KDM6A: variants seen among roughly 807,000 people sequenced by gnomAD.
KDM6A encodes the protein lysine demethylase 6A, also known as lysine-specific demethylase 6A.
Under a neutral mutation model 117.6 loss-of-function variants are expected in KDM6A, and 11 were observed. The ratio of observed to expected loss-of-function variants is 0.09; its 90% CI spans 0.06 to 0.15. The LOEUF (loss-of-function observed/expected upper bound fraction) is 0.15. KDM6A is among the 10% of genes least tolerant of loss of function. KDM6A has a pLI of 1.00. For missense variants in KDM6A, 799 were observed against 1,077.3 expected, an observed-to-expected ratio of 0.74 and a Z score of 3.62; for synonymous variants, 384 against 396.1, an observed-to-expected ratio of 0.97 and a Z score of 0.36.
Position 44,951,639 on chromosome X carries a change from T to C in KDM6A, c.226-9645T>C, listed in dbSNP as rs760659354. 3.6e-5 allele frequency among the ~76,000 whole-genome samples: 4 copies of C among 111,400 alleles called. No individual in the cohort carries two copies. The East Asian group carries it at 1.1e-3, about 31-fold the overall frequency. ...AACTGAGGCTAAGTCTGGGAATGGT[T>C]TGTGAGAGCTGGGAGTTGAAATTTT... On this transcript the variant is annotated intron_variant, in intron 2 of 29. Transcript: ENST00000611820.
chrX:45,043,005 C>T lies in KDM6A; in HGVS notation c.654+5316C>T, dbSNP rs777907729. 3.5e-5 allele frequency among the ~76,000 whole-genome samples: 4 copies of T among 112,711 alleles called. No individual in the cohort carries two copies. The South Asian group carries it at 1.4e-3, about 41-fold the overall frequency. On this transcript the variant is annotated intron_variant, in intron 8 of 29. Coordinates refer to ENST00000611820, the MANE Select transcript of KDM6A (RefSeq NM_001291415.2). ...TATAATGTTTGAAAGGCAAAAAGGT[C>T]GTGGCCGAGCGCAGTGGTTCATGCC...
chrX:44,875,297 G>A (rs1424613256), intron 2 of KDM6A, among the ~76,000 whole-genome samples: 1 of 112,111 alleles, frequency 8.9e-6, no homozygotes, highest in Non-Finnish European at 1.9e-5. Flanking sequence ...TGGTTTCGCA[G>A]AGTCATCAAT....
chrX:45,041,708 G>A (rs1892577471), intron 8 of KDM6A, among the ~76,000 whole-genome samples: 1 of 108,462 alleles, frequency 9.2e-6, no homozygotes, highest in Admixed American at 9.5e-5. Context: ...GCGGGGAAGA[G>A]GCGCTCCTCG....
intron 2 of KDM6A, among the ~76,000 whole-genome samples, chrX:44,882,666 A>C (rs1036019402): frequency 1.8e-5 from 2 of 112,240 alleles, no homozygotes; most frequent in Non-Finnish European, 3.8e-5. Flanking sequence ...TTTTAGGGAA[A>C]ATTTGTTTTC....
chrX:44,964,130 T>C (rs1271577035), intron 3 of KDM6A, among the ~76,000 whole-genome samples: 1 of 110,444 alleles, frequency 9.1e-6, no homozygotes, highest in African/African-American at 3.3e-5. Context: ...ATGGCAGCTA[T>C]ATAGTCTTAC....
intron 8 of KDM6A, among the ~76,000 whole-genome samples, chrX:45,038,600 G>GGC (rs1307117487): frequency 1.9e-5 from 2 of 107,940 alleles, no homozygotes; most frequent in African/African-American, 6.8e-5. Context: ...ATTTGGGGGG[G>GGC]GGTGGTTGGA....
In KDM6A at chrX:45,074,002, T is replaced by A. The variant is rs763441077; in HGVS notation, c.2859-2695T>A. On this transcript the variant is annotated intron_variant, in intron 18 of 29. Coordinates refer to ENST00000611820, the MANE Select transcript of KDM6A (RefSeq NM_001291415.2). ...AGGTTTTCTTCTAGGGTTTTTATGG[T>A]TTTAGGTCTAACGTTTAAGTCTTTA... Among the ~76,000 whole-genome samples the A allele has an allele frequency of 1.2e-4, 14 of 112,225 alleles. No homozygotes were observed. The South Asian group carries it at 1.8e-3, about 15-fold the overall frequency.
chrX:44,880,032 G>A (rs1401915271), intron 2 of KDM6A, among the ~76,000 whole-genome samples: 1 of 109,564 alleles, frequency 9.1e-6, no homozygotes, highest in East Asian at 2.9e-4. Context: ...AATTAGCCGG[G>A]CGTGGTGGCG....
At chrX:45,018,338 C>T (rs1214388909) in intron 5 of KDM6A, among the ~76,000 whole-genome samples, 1 of 111,348 alleles carries the variant, frequency 9.0e-6, no homozygotes, top group Non-Finnish European at 1.9e-5. Context: ...ATAGGTTGCA[C>T]CTTGTCCTGG....
At chrX:44,898,434 C>T (rs1008066881) in intron 2 of KDM6A, among the ~76,000 whole-genome samples, 2 of 111,922 alleles carry the variant, frequency 1.8e-5, no homozygotes, top group Non-Finnish European at 3.8e-5. Flanking sequence ...CTGACTCTAA[C>T]TCACATCTCC....
intron 2 of KDM6A, among the ~76,000 whole-genome samples, chrX:44,946,968 TTCTG>T (rs763492859): frequency 2.3e-3 from 263 of 112,214 alleles, no homozygotes; most frequent in African/African-American, 8.1e-3. Flanking sequence ...TGTAGTATTT[TTCTG>T]TCTTTTTTAA....
chrX:44,955,793 TTTTTTAA>T (rs1197249810), intron 2 of KDM6A, among the ~76,000 whole-genome samples: 1 of 111,591 alleles, frequency 9.0e-6, no homozygotes, highest in African/African-American at 3.2e-5. Flanking sequence ...ACCATAATTC[TTTTTTAA>T]TTTTTAATTT....
intron 2 of KDM6A, among the ~76,000 whole-genome samples, chrX:44,931,168 G>A (rs745883035): frequency 2.2e-4 from 25 of 111,172 alleles, no homozygotes; most frequent in African/African-American, 7.8e-4. Context: ...GGGTTGAAGA[G>A]ATTCTCCTGC....
intron 4 of KDM6A, among the ~76,000 whole-genome samples, chrX:45,003,555 G>A (rs2041260933): frequency 9.0e-6 from 1 of 110,542 alleles, no homozygotes; most frequent in Admixed American, 9.6e-5. Flanking sequence ...CAGTGCTTTT[G>A]GGCTATGCCC....
At chrX:45,053,493 C>T (rs1028590513) in intron 9 of KDM6A, among the ~76,000 whole-genome samples, 21 of 111,894 alleles carry the variant, frequency 1.9e-4, no homozygotes, top group African/African-American at 5.8e-4. Context: ...GTAAATAAGA[C>T]GTAACATCTT....
intron 18 of KDM6A, among the ~76,000 whole-genome samples, chrX:45,072,599 T>C (rs1056648887): frequency 9.1e-6 from 1 of 109,798 alleles, no homozygotes; most frequent in Non-Finnish European, 1.9e-5. Context: ...GGGGCCTCTG[T>C]CCTGTTTCCT....
chrX:45,085,335 G>A (rs1404130637), intron 24 of KDM6A, among the ~76,000 whole-genome samples: 6 of 111,429 alleles, frequency 5.4e-5, no homozygotes, highest in Admixed American at 3.8e-4. Flanking sequence ...GGACTTTATG[G>A]TGGGTTTATC....
intron 4 of KDM6A, among the ~76,000 whole-genome samples, chrX:44,999,348 C>T (rs2041026622): frequency 9.0e-6 from 1 of 111,586 alleles, no homozygotes; most frequent in Non-Finnish European, 1.9e-5. Context: ...ACGTGGCCGC[C>T]GCTGCTGCTG....
chrX:44,976,161 A>C (rs959139904), intron 4 of KDM6A, among the ~76,000 whole-genome samples: 9 of 111,808 alleles, frequency 8.0e-5, no homozygotes, highest in Non-Finnish European at 1.5e-4. Context: ...CCATCATCAC[A>C]GTCTTATTTA....
Sources: gnomAD v4.1 joint callset for allele counts (sites outside exome capture counted in the v4.1 genomes callset) on GRCh38, gnomAD v4.1.1 for gene constraint, MANE v1.5 for transcripts, NCBI Gene and HGNC (gene_info 2026-07-23, HGNC 2026-07-21) for gene names.